SYCP2L: variants seen among roughly 807,000 people sequenced by gnomAD.
SYCP2L encodes synaptonemal complex protein 2 like.
In SYCP2L, 98 loss-of-function variants were observed where a neutral mutation model predicts 125.8. The observed-to-expected ratio is 0.78, with a 90% CI of 0.66 to 0.92. SYCP2L has a LOEUF of 0.92. Ranked by LOEUF, SYCP2L falls within the 40% of genes least tolerant of loss-of-function variation. The pLI is 0.00. For missense variants in SYCP2L, 842 were observed against 936.4 expected, an observed-to-expected ratio of 0.90 and a Z score of 1.32; for synonymous variants, 317 against 325.4, an observed-to-expected ratio of 0.97 and a Z score of 0.28.
chr6:10,935,399 G>A (rs936066765), intron 21 of SYCP2L, among the ~76,000 whole-genome samples: 7 of 152,146 alleles, frequency 4.6e-5, no homozygotes, highest in South Asian at 2.1e-4. Context: ...CCCAAGAATT[G>A]CTGGTCTCTT....
At chr6:10,913,354 T>G (rs73444344) in intron 14 of SYCP2L, among the ~76,000 whole-genome samples, 6,679 of 152,264 alleles carry the variant, frequency 0.044, 499 homozygotes, top group African/African-American at 0.15. Flanking sequence ...AGGACATGGC[T>G]GTCAGGAAAT....
chr6:10,905,853 T>A (rs1161096056), intron 8 of SYCP2L, among the ~76,000 whole-genome samples, 167 bp from the exon 9 acceptor site: 1 of 152,202 alleles, frequency 6.6e-6, no homozygotes, highest in Admixed American at 6.5e-5. Flanking sequence ...TATATAAACT[T>A]GAGAAGGTTT....
intron 23 of SYCP2L, among the ~76,000 whole-genome samples, chr6:10,952,049 A>T (rs144592890): frequency 3.6e-4 from 55 of 152,284 alleles, no homozygotes; most frequent in African/African-American, 1.2e-3. Context: ...ACACATACAC[A>T]TGGATTTCAC....
At chr6:10,967,098 C>T (rs1781694597) in intron 29 of SYCP2L, among the ~76,000 whole-genome samples, 1 of 151,920 alleles carries the variant, frequency 6.6e-6, no homozygotes, top group Non-Finnish European at 1.5e-5. Flanking sequence ...ATGAAATGAA[C>T]AATTTCCTAG....
intron 15 of SYCP2L, among the ~76,000 whole-genome samples, chr6:10,926,062 A>T (rs921769809): frequency 1.3e-5 from 2 of 152,144 alleles, no homozygotes; most frequent in African/African-American, 4.8e-5. Flanking sequence ...ACGTTACCCA[A>T]TGGGGTAAGA....
At chr6:10,903,940 G>C (rs928843100) in intron 8 of SYCP2L, among the ~76,000 whole-genome samples, 9 of 152,128 alleles carry the variant, frequency 5.9e-5, no homozygotes, top group Admixed American at 5.2e-4. Context: ...AGTACAGACG[G>C]TAGAGCCTGC....
intron 29 of SYCP2L, among the ~76,000 whole-genome samples, chr6:10,964,567 A>ATTAAAAATTTAAAATTTAAATT (rs1303021571): frequency 6.6e-6 from 1 of 152,192 alleles, no homozygotes; most frequent in African/African-American, 2.4e-5. Context: ...TTTGGATTAA[A>ATTAAAAATTTAAAATTTAAATT]TTAAAAATTT....
intron 11 of SYCP2L, among the ~76,000 whole-genome samples, 187 bp downstream of exon 11, chr6:10,910,387 G>A (rs1465039080): frequency 6.6e-6 from 1 of 152,170 alleles, no homozygotes; most frequent in Non-Finnish European, 1.5e-5. Flanking sequence ...TGGCTTGTTC[G>A]AGTGTGTTTA....
rs750143132 is a variant in SYCP2L at position 10,972,920 on chromosome 6, A to G, written c.*38-1032A>G. ...ATCATAGTGGCCAGAACTAGGTCAC[A>G]TGGCTCACCCTAGTTGCAAGGGAAT... On this transcript the variant is annotated intron_variant, in intron 29 of 29. Transcript: ENST00000283141. Among the ~76,000 whole-genome samples the G allele has an allele frequency of 6.7e-4, 102 of 152,186 alleles. 1 individual carries two copies. Among genetic ancestry groups the G allele is most frequent in the Non-Finnish European group, 4.6e-4 (31 of 68,024 alleles).
chr6:10,905,905 A>G (rs1009987404), intron 8 of SYCP2L, 115 bp from the exon 9 acceptor site: 3 of 671,450 alleles, frequency 4.5e-6, no homozygotes, highest in Admixed American at 5.1e-5. Context: ...TTTGATGCTG[A>G]ATTTGAAATA....
chr6:10,888,986 C>G (rs1444952307), intron 1 of SYCP2L, among the ~76,000 whole-genome samples: 1 of 152,094 alleles, frequency 6.6e-6, no homozygotes, highest in African/African-American at 2.4e-5. Flanking sequence ...CTCAGCCTCA[C>G]GAGTAGCTGG....
At chr6:10,903,674 C>A (rs941102610) in intron 8 of SYCP2L, among the ~76,000 whole-genome samples, 1 of 151,942 alleles carries the variant, frequency 6.6e-6, no homozygotes, top group Non-Finnish European at 1.5e-5. Flanking sequence ...TCGCTTGAAC[C>A]CAGGAGGCGG....
chr6:10,926,281 AT>A (rs1012429766), intron 15 of SYCP2L, 57 bp from the exon 16 acceptor site: 32,616 of 948,480 alleles, frequency 0.034, no homozygotes, highest in Non-Finnish European at 0.038. Flanking sequence ...TTTTCCTTAA[AT>A]TTTTTTTTTT....
At chr6:10,913,844 T>G (rs1461217669) in intron 14 of SYCP2L, among the ~76,000 whole-genome samples, 1 of 152,100 alleles carries the variant, frequency 6.6e-6, no homozygotes, top group Admixed American at 6.6e-5. Context: ...AATTTTTTTT[T>G]TTTTGAAGTG....
At chr6:10,967,510 AAAG>A (rs1232621610) in intron 29 of SYCP2L, among the ~76,000 whole-genome samples, 49 of 136,088 alleles carry the variant, frequency 3.6e-4, no homozygotes, top group African/African-American at 6.5e-4. Flanking sequence ...GAGGAGAAAA[AAAG>A]AAAAACCATT....
intron 14 of SYCP2L, among the ~76,000 whole-genome samples, chr6:10,917,808 C>G (rs1427006520): frequency 6.6e-6 from 1 of 152,142 alleles, no homozygotes; most frequent in Non-Finnish European, 1.5e-5. Context: ...AGATTTAGAG[C>G]TCCTTTTAGC....
chr6:10,918,559 A>G lies in SYCP2L; in HGVS notation c.1072+5632A>G, dbSNP rs550195718. Among the ~76,000 whole-genome samples the G allele has an allele frequency of 5.1e-3, 763 of 150,208 alleles. 5 individuals carry two copies. The highest frequency in any genetic ancestry group is 0.014 in the Middle Eastern group (4 of 290). Reference sequence around the variant, plus strand: ...TTTTTTTTTCTTTTCTTTTTTTGAGACAGAGTCTCGCTCTGTTGCCAGGCT... The same window carrying G: ...TTTTTTTTTCTTTTCTTTTTTTGAGGCAGAGTCTCGCTCTGTTGCCAGGCT... On this transcript the variant is annotated intron_variant, in intron 14 of 29. Transcript: ENST00000283141.
intron 2 of SYCP2L, among the ~76,000 whole-genome samples, chr6:10,893,513 A>G (rs1357295969): frequency 2.0e-5 from 3 of 152,150 alleles, no homozygotes; most frequent in African/African-American, 7.2e-5. Flanking sequence ...ATCTTCACCT[A>G]ATGATATCTG....
At chr6:10,947,002 C>T (rs1477954378) in intron 23 of SYCP2L, among the ~76,000 whole-genome samples, 8 of 151,906 alleles carry the variant, frequency 5.3e-5, no homozygotes, top group East Asian at 1.9e-4. Flanking sequence ...CCCACTCCTA[C>T]GTATTTTCTA....
Sources: allele counts gnomAD v4.1 joint callset (sites outside exome capture counted in the v4.1 genomes callset), GRCh38; gene constraint gnomAD v4.1.1; transcripts MANE v1.5; gene names NCBI Gene and HGNC (gene_info 2026-07-23, HGNC 2026-07-21).